AP3B1: variants seen among roughly 807,000 people sequenced by gnomAD.
AP3B1 encodes adaptor related protein complex 3 subunit beta 1.
AP3B1 carries 61 observed loss-of-function variants against 132.5 expected under a neutral mutation model. The observed-to-expected ratio is 0.46, with a 90% CI of 0.37 to 0.57. The LOEUF (loss-of-function observed/expected upper bound fraction) is 0.57. Among genes scored for constraint, AP3B1 ranks in the 20% least tolerant of loss-of-function variants. The pLI is 0.00. For missense variants in AP3B1, 1,120 were observed against 1,289.4 expected (o/e 0.87, Z 2.01); for synonymous variants, 388 against 438.3 (o/e 0.89, Z 1.43).
intron 6 of AP3B1, among the ~76,000 whole-genome samples, chr5:78,217,220 T>C (rs1477328104): frequency 6.6e-6 from 1 of 152,182 alleles, no homozygotes; most frequent in South Asian, 2.1e-4. Flanking sequence ...TACAATGATA[T>C]TCATATTTTG....
chr5:78,155,682 A>G (rs75778430), intron 14 of AP3B1, among the ~76,000 whole-genome samples: 6,639 of 152,238 alleles, frequency 0.044, 180 homozygotes, highest in Middle Eastern at 0.099. Context: ...AGATAAAAAA[A>G]AGTAGATTAG....
intron 26 of AP3B1, among the ~76,000 whole-genome samples, chr5:78,013,859 G>A (rs994028590): frequency 5.3e-5 from 8 of 152,058 alleles, no homozygotes; most frequent in African/African-American, 1.9e-4. Context: ...GATAGAGCTT[G>A]TCAAAAACTA....
chr5:78,211,179 A>C (rs1172743236), intron 7 of AP3B1, among the ~76,000 whole-genome samples: 1 of 152,148 alleles, frequency 6.6e-6, no homozygotes, highest in African/African-American at 2.4e-5. Flanking sequence ...GCACCCTCTT[A>C]ACAAATCTTC....
chr5:78,016,113 A>G (rs1746845063), intron 25 of AP3B1, among the ~76,000 whole-genome samples: 1 of 152,148 alleles, frequency 6.6e-6, no homozygotes, highest in African/African-American at 2.4e-5. Flanking sequence ...ACTTAGAGCT[A>G]AAAGTACTTG....
At chr5:78,214,874 A>T (rs1020366828) in intron 7 of AP3B1, among the ~76,000 whole-genome samples, 2 of 152,198 alleles carry the variant, frequency 1.3e-5, no homozygotes, top group Non-Finnish European at 2.9e-5. Context: ...CATATTAATA[A>T]TTCAAAACAT....
chr5:78,051,153 T>A (rs1167485146), intron 22 of AP3B1, among the ~76,000 whole-genome samples: 1 of 152,064 alleles, frequency 6.6e-6, no homozygotes, highest in East Asian at 1.9e-4. Context: ...CAAATAAGCG[T>A]GGAATGAGAG....
At chr5:78,216,572 A>C (rs1745971893) in intron 6 of AP3B1, among the ~76,000 whole-genome samples, 1 of 152,184 alleles carries the variant, frequency 6.6e-6, no homozygotes, top group Non-Finnish European at 1.5e-5. Context: ...CCTAAATTCT[A>C]ATCTAAAAAT....
chr5:78,102,644 A>G (rs773980890), intron 20 of AP3B1, among the ~76,000 whole-genome samples: 8 of 152,160 alleles, frequency 5.3e-5, no homozygotes, highest in Admixed American at 2.6e-4. Flanking sequence ...CTGTGAAGAA[A>G]GAACATATAA....
chr5:78,002,568 T>G lies in AP3B1; in HGVS notation c.*334A>C. On this transcript the variant is annotated 3_prime_UTR_variant, in exon 27 of 27. Transcript: ENST00000255194. ...AGGGAAGAAGATTTCCAATGAACTT[T>G]AAATATCTCATTCATGTCTACCATT... 1.8e-6 allele frequency: 1 copy of G among 555,560 alleles called. No homozygotes were observed. Among genetic ancestry groups the G allele is most frequent in the South Asian group, 2.7e-5 (1 of 37,000 alleles). The allele number at this position is 555,560 out of a possible 1,614,324, so 34.4% of individuals were successfully genotyped here. A position where few individuals can be genotyped will look rare whatever the true frequency, so the allele number is the denominator to read the frequency against.
At chr5:78,198,002 A>G (rs1464359525) in intron 7 of AP3B1, among the ~76,000 whole-genome samples, 1 of 152,182 alleles carries the variant, frequency 6.6e-6, no homozygotes, top group Non-Finnish European at 1.5e-5. Context: ...GGTGCACACA[A>G]TTTACATAAA....
intron 15 of AP3B1, among the ~76,000 whole-genome samples, chr5:78,135,221 T>G (rs1752861267): frequency 6.6e-6 from 1 of 152,206 alleles, no homozygotes; most frequent in Non-Finnish European, 1.5e-5. Context: ...GCACTTTCTT[T>G]TTTAATAGCA....
chr5:78,005,507 G>A (rs1746353062), intron 26 of AP3B1, among the ~76,000 whole-genome samples: 3 of 152,320 alleles, frequency 2.0e-5, no homozygotes, highest in African/African-American at 7.2e-5. Flanking sequence ...AAAAGTCTCA[G>A]TACTATAAAG....
At chr5:78,255,531 C>G (rs1580551034) in intron 2 of AP3B1, among the ~76,000 whole-genome samples, 1 of 152,060 alleles carries the variant, frequency 6.6e-6, no homozygotes, top group East Asian at 1.9e-4. Flanking sequence ...GGAGTCAATT[C>G]AGCAAGAGGA....
At chr5:78,097,290 G>A (rs1393024132) in intron 21 of AP3B1, among the ~76,000 whole-genome samples, 3 of 134,052 alleles carry the variant, frequency 2.2e-5, no homozygotes, top group Non-Finnish European at 4.9e-5. Flanking sequence ...GAGGTGGGGG[G>A]GTCAGCCCCC....
At chr5:78,212,081 A>G (rs13172868) in intron 7 of AP3B1, among the ~76,000 whole-genome samples, 1 of 152,194 alleles carries the variant, frequency 6.6e-6, no homozygotes, top group Non-Finnish European at 1.5e-5. Flanking sequence ...GGAGTTCAAC[A>G]CCAGCCTGGC....
At chr5:78,060,735 TC>T (rs2112143080) in intron 22 of AP3B1, among the ~76,000 whole-genome samples, 1 of 152,082 alleles carries the variant, frequency 6.6e-6, no homozygotes, top group African/African-American at 2.4e-5. Context: ...TAGTAGACAT[TC>T]CATCCATGCT....
intron 1 of AP3B1, among the ~76,000 whole-genome samples, chr5:78,293,480 ATTTGAAGTAGTAGCAC>A (rs1401295045): frequency 1.3e-5 from 2 of 152,208 alleles, no homozygotes; most frequent in Non-Finnish European, 2.9e-5. Context: ...TGTAATCCCA[ATTTGAAGTAGTAGCAC>A]TTTCTAGACT....
chr5:78,267,610 A>G lies in AP3B1; in HGVS notation c.129-15T>C. On this transcript the variant is annotated splice_polypyrimidine_tract_variant and intron_variant, in intron 1 of 26. Coordinates refer to ENST00000255194, the MANE Select transcript of AP3B1 (RefSeq NM_003664.5). ...GATCTTCATTCCTATTACAAAAGAG[A>G]AGAAAAAAAATCCATACTTTGATTT... is the stretch of plus-strand genomic sequence containing the variant. 1 of 1,523,066 alleles carries G rather than the reference A, an allele frequency of 6.6e-7. No homozygotes were observed. The highest frequency in any genetic ancestry group is 1.1e-5 in the South Asian group (1 of 88,092). The allele number at this position is 1,523,066 out of a possible 1,614,324, so 94.3% of individuals were successfully genotyped here. A position where few individuals can be genotyped will look rare whatever the true frequency, so the allele number is the denominator to read the frequency against.
chr5:78,209,031 C>T (rs1051941158), intron 7 of AP3B1, among the ~76,000 whole-genome samples: 5 of 151,646 alleles, frequency 3.3e-5, no homozygotes, highest in African/African-American at 9.7e-5. Flanking sequence ...ATACATAATG[C>T]CTAAAATTGA....
Sources: gnomAD v4.1 joint callset for allele counts (sites outside exome capture counted in the v4.1 genomes callset) on GRCh38, gnomAD v4.1.1 for gene constraint, MANE v1.5 for transcripts, NCBI Gene and HGNC (gene_info 2026-07-23, HGNC 2026-07-21) for gene names.